The following FOXP1 variants were observed in gnomAD, a reference collection of about 807,000 sequenced individuals.
The protein encoded by FOXP1 is forkhead box protein P1.
A neutral mutation model predicts 98.2 loss-of-function variants in FOXP1; 15 were observed. The ratio of observed to expected loss-of-function variants is 0.15; its 90% confidence interval spans 0.10 to 0.24. The LOEUF (loss-of-function observed/expected upper bound fraction) is 0.24, where lower values mean the gene tolerates loss of function less well. FOXP1 is among the 10% of genes least tolerant of loss of function. FOXP1 has a pLI of 1.00. For synonymous variants in FOXP1, 371 were observed against 314.5 expected, an observed-to-expected ratio of 1.18 and a Z score of -1.90; for missense variants, 633 against 848.5, an observed-to-expected ratio of 0.75 and a Z score of 3.15.
intron 2 of FOXP1, among the ~76,000 whole-genome samples, chr3:71,499,761 A>G (rs1288153219): frequency 6.6e-6 from 1 of 152,220 alleles, no homozygotes; most frequent in Non-Finnish European, 1.5e-5. Flanking sequence ...AAGTGGGTGG[A>G]GCGGGCTCCA....
intron 3 of FOXP1, among the ~76,000 whole-genome samples, chr3:71,387,972 A>G (rs982707893): frequency 6.6e-6 from 1 of 152,234 alleles, no homozygotes; most frequent in African/African-American, 2.4e-5. Flanking sequence ...AGTTCTGTCA[A>G]TTTTTCCCGA....
intron 18 of FOXP1, chr3:70,971,995 A>T (rs1258099567): frequency 3.7e-6 from 5 of 1,360,540 alleles, no homozygotes; most frequent in Non-Finnish European, 4.7e-6. Flanking sequence ...AAACAAAAGC[A>T]AGTAAAGGCT....
intron 13 of FOXP1, among the ~76,000 whole-genome samples, chr3:70,991,475 A>C (rs2040590903): frequency 1.3e-5 from 2 of 152,216 alleles, no homozygotes; most frequent in Admixed American, 1.3e-4. Context: ...ACTAAGATTA[A>C]TCTTAAACTC....
intron 2 of FOXP1, among the ~76,000 whole-genome samples, chr3:71,512,584 A>G (rs2042278539): frequency 6.6e-6 from 1 of 152,216 alleles, no homozygotes; most frequent in Non-Finnish European, 1.5e-5. Flanking sequence ...TCTTTCTACA[A>G]TGCAATCCAA....
At chr3:71,493,143 C>T (rs551802555) in intron 3 of FOXP1, among the ~76,000 whole-genome samples, 12 of 152,266 alleles carry the variant, frequency 7.9e-5, no homozygotes, top group Admixed American at 5.9e-4. Context: ...AAAACAATTA[C>T]TCATTCAACG....
intron 6 of FOXP1, among the ~76,000 whole-genome samples, chr3:71,194,349 A>G (rs2063177256): frequency 6.6e-6 from 1 of 152,148 alleles, no homozygotes. Flanking sequence ...TTTATTTAAC[A>G]GCTATTCATT....
chr3:71,565,140 G>A (rs1272061656), intron 2 of FOXP1, among the ~76,000 whole-genome samples: 1 of 152,078 alleles, frequency 6.6e-6, no homozygotes, highest in Non-Finnish European at 1.5e-5. Flanking sequence ...CATCCACTGA[G>A]GAGTTAGGGG....
rs1368741052 is a variant in FOXP1, at chr3:71,178,681, A to G, written c.180+19521T>C. ...GGCGGATCACGAGGTCAGGAGATCG[A>G]GACCATCCTGGCTAACATGGTGAAA... On this transcript the variant is annotated intron_variant, in intron 6 of 20. Coordinates refer to ENST00000649528, the MANE Select transcript of FOXP1 (RefSeq NM_001349338.3). Among the ~76,000 whole-genome samples the G allele has an allele frequency of 2.0e-5, 3 of 151,950 alleles. No homozygotes were observed. In the East Asian group the frequency reaches 6.0e-4, roughly 30 times the overall value.
At chr3:71,557,758 C>T (rs2046245323) in intron 2 of FOXP1, among the ~76,000 whole-genome samples, 1 of 152,184 alleles carries the variant, frequency 6.6e-6, no homozygotes, top group Admixed American at 6.5e-5. Context: ...GAGAGAATGG[C>T]TTTGCCCATG....
At chr3:71,528,042 A>T (rs1201404287) in intron 2 of FOXP1, among the ~76,000 whole-genome samples, 1 of 152,200 alleles carries the variant, frequency 6.6e-6, no homozygotes, top group Non-Finnish European at 1.5e-5. Flanking sequence ...GAAAAAAGCA[A>T]AGAGACTTTG....
intron 10 of FOXP1, among the ~76,000 whole-genome samples, chr3:71,045,480 A>AC (rs2048897854): frequency 6.6e-6 from 1 of 152,148 alleles, no homozygotes; most frequent in Non-Finnish European, 1.5e-5. Flanking sequence ...CCAACAATAA[A>AC]CCCAAAGGTG....
chr3:71,538,985 T>G (rs776406916), intron 2 of FOXP1, among the ~76,000 whole-genome samples: 1 of 152,148 alleles, frequency 6.6e-6, no homozygotes, highest in East Asian at 1.9e-4. Context: ...TGACCATAAA[T>G]GTAAGGGTTT....
intron 6 of FOXP1, among the ~76,000 whole-genome samples, chr3:71,170,463 T>G (rs1262336272): frequency 1.3e-5 from 2 of 152,192 alleles, no homozygotes; most frequent in African/African-American, 4.8e-5. Flanking sequence ...CAGCAACTAC[T>G]GTATGAATGA....
At chr3:70,974,736 A>G (rs1420833868) in intron 17 of FOXP1, among the ~76,000 whole-genome samples, 1 of 152,252 alleles carries the variant, frequency 6.6e-6, no homozygotes, top group Non-Finnish European at 1.5e-5. Flanking sequence ...TGTAAGAGAT[A>G]TAACTTGAAA....
At position 71,492,262 on chromosome 3, in the gene FOXP1, G is replaced by T. The variant is rs918599018; in HGVS notation, c.-168+1164C>A. On this transcript the variant is annotated intron_variant, in intron 3 of 20. Coordinates refer to ENST00000649528, the MANE Select transcript of FOXP1 (RefSeq NM_001349338.3). ...AGGTCAGGAGTTTGAGACCAGCCTGGCCAATGTGGTGAAACCCTGTCTCTC... is the reference window on the plus strand; with the variant it reads ...AGGTCAGGAGTTTGAGACCAGCCTGTCCAATGTGGTGAAACCCTGTCTCTC... Among the ~76,000 whole-genome samples the T allele has an allele frequency of 2.0e-5, 3 of 152,042 alleles. No homozygotes were observed. The East Asian group carries it at 5.8e-4, about 29-fold the overall frequency.
At chr3:71,359,278 A>G (rs924510740) in intron 3 of FOXP1, 34 bp from the exon 4 acceptor site, 1 of 152,248 alleles carries the variant, frequency 6.6e-6, no homozygotes, top group Non-Finnish European at 1.5e-5. Flanking sequence ...GGTTAAGTGA[A>G]GGGGCAAATG....
intron 20 of FOXP1, among the ~76,000 whole-genome samples, chr3:70,960,381 T>A (rs2033075443): frequency 6.6e-6 from 1 of 152,154 alleles, no homozygotes; most frequent in South Asian, 2.1e-4. Context: ...TGCGATGAGG[T>A]CTGCCAACTT....
chr3:71,564,727 T>C (rs2046783885), intron 2 of FOXP1, among the ~76,000 whole-genome samples: 1 of 152,228 alleles, frequency 6.6e-6, no homozygotes, highest in South Asian at 2.1e-4. Flanking sequence ...TATTTGTAAG[T>C]GGGAATTTAT....
At chr3:71,045,357 C>T (rs1236713412) in intron 10 of FOXP1, among the ~76,000 whole-genome samples, 2 of 152,138 alleles carry the variant, frequency 1.3e-5, no homozygotes, top group African/African-American at 4.8e-5. Context: ...CCCAATTGCC[C>T]TCTTTTGGAC....
Sources: gnomAD v4.1 joint callset for allele counts (sites outside exome capture counted in the v4.1 genomes callset) on GRCh38, gnomAD v4.1.1 for gene constraint, MANE v1.5 for transcripts, NCBI Gene and HGNC (gene_info 2026-07-23, HGNC 2026-07-21) for gene names.